The following CTNNBL1 variants were observed in gnomAD, a reference collection of about 807,000 sequenced individuals.
CTNNBL1 encodes catenin beta like 1.
Under a neutral mutation model 72.7 loss-of-function variants are expected in CTNNBL1, and 31 were observed. The ratio of observed to expected loss-of-function variants is 0.43; its 90% CI spans 0.32 to 0.58. CTNNBL1 has a LOEUF of 0.58. Ranked by LOEUF, CTNNBL1 falls within the 20% of genes least tolerant of loss-of-function variation. The pLI, the probability that CTNNBL1 is intolerant of heterozygous loss-of-function variation, is 0.08. For synonymous variants in CTNNBL1, 240 were observed against 267.3 expected, an observed-to-expected ratio of 0.90 and a Z score of 1.00; for missense variants, 534 against 725.1, an observed-to-expected ratio of 0.74 and a Z score of 3.03.
chr20:37,854,931 G>C (rs2072426410), intron 13 of CTNNBL1, among the ~76,000 whole-genome samples: 1 of 151,954 alleles, frequency 6.6e-6, no homozygotes, highest in African/African-American at 2.4e-5. Flanking sequence ...TTAATATACA[G>C]AAGGCCCTTG....
At chr20:37,845,855 T>G (rs1234646184) in intron 13 of CTNNBL1, among the ~76,000 whole-genome samples, 2 of 152,180 alleles carry the variant, frequency 1.3e-5, no homozygotes, top group East Asian at 3.9e-4. Flanking sequence ...CTCACATACC[T>G]CACCAAGTCT....
At chr20:37,809,774 G>C (rs530025263) in intron 11 of CTNNBL1, among the ~76,000 whole-genome samples, 2 of 152,186 alleles carry the variant, frequency 1.3e-5, no homozygotes, top group East Asian at 3.8e-4. Context: ...AAAACAACTT[G>C]ATGAAATTGT....
chr20:37,827,200 A>T (rs1401864210), intron 11 of CTNNBL1, among the ~76,000 whole-genome samples: 1 of 152,236 alleles, frequency 6.6e-6, no homozygotes, highest in African/African-American at 2.4e-5. Flanking sequence ...ACTGCTGGGT[A>T]GTATTCCAGT....
At chr20:37,843,807 A>G (rs1334321618) in intron 13 of CTNNBL1, among the ~76,000 whole-genome samples, 2 of 152,190 alleles carry the variant, frequency 1.3e-5, no homozygotes, top group African/African-American at 2.4e-5. Flanking sequence ...TGATTTCCCT[A>G]TGATCCCTAA....
chr20:37,802,406 A>G (rs1228897705), intron 10 of CTNNBL1, among the ~76,000 whole-genome samples: 2 of 152,186 alleles, frequency 1.3e-5, no homozygotes, highest in Non-Finnish European at 2.9e-5. Context: ...GGCAATGAAA[A>G]TGTTTTATAA....
chr20:37,738,180 C>T (rs779610086), intron 3 of CTNNBL1, among the ~76,000 whole-genome samples: 4 of 152,240 alleles, frequency 2.6e-5, no homozygotes, highest in Admixed American at 6.5e-5. Context: ...GAGATCATTT[C>T]AGAGGCTCTG....
intron 11 of CTNNBL1, among the ~76,000 whole-genome samples, chr20:37,832,576 T>C (rs775247223): frequency 6.6e-6 from 1 of 152,192 alleles, no homozygotes; most frequent in Non-Finnish European, 1.5e-5. Flanking sequence ...TCCATGTCCC[T>C]GTGATCCTAA....
intron 1 of CTNNBL1, among the ~76,000 whole-genome samples, chr20:37,724,160 C>T (rs1308628972): frequency 6.6e-6 from 1 of 152,150 alleles, no homozygotes; most frequent in Non-Finnish European, 1.5e-5. Context: ...GGGTTTGCGA[C>T]GTTCCACATG....
intron 1 of CTNNBL1, among the ~76,000 whole-genome samples, chr20:37,703,150 C>T (rs780146509): frequency 6.6e-6 from 1 of 152,024 alleles, no homozygotes; most frequent in East Asian, 1.9e-4. Context: ...GTAGAGTTTC[C>T]GTATATTCCT....
At position 37,725,261 on chromosome 20, in the gene CTNNBL1, A is replaced by G. The variant is rs574288558; in HGVS notation, c.31-7618A>G. Among the ~76,000 whole-genome samples the G allele has an allele frequency of 2.6e-5, 4 of 151,452 alleles. No individual in the cohort carries two copies. In the South Asian group the frequency reaches 8.3e-4, roughly 32 times the overall value. Reference sequence around the variant, plus strand: ...GGGACCCACATTTAAAAACCTAACTATTAATGGTCAGAGTTCTTTCCAACC... The same window carrying G: ...GGGACCCACATTTAAAAACCTAACTGTTAATGGTCAGAGTTCTTTCCAACC... On this transcript the variant is annotated intron_variant, in intron 1 of 15. Transcript: ENST00000361383.
chr20:37,819,272 T>TGCATATGTACAGTGGTGACC (rs2072085435), intron 11 of CTNNBL1, among the ~76,000 whole-genome samples: 1 of 152,236 alleles, frequency 6.6e-6, no homozygotes, highest in South Asian at 2.1e-4. Flanking sequence ...TTTGGGTGAC[T>TGCATATGTACAGTGGTGACC]GCATATGTAC....
At chr20:37,809,311 G>C (rs2071989031) in intron 11 of CTNNBL1, among the ~76,000 whole-genome samples, 1 of 152,218 alleles carries the variant, frequency 6.6e-6, no homozygotes, top group Admixed American at 6.5e-5. Context: ...CTTCTGGTGG[G>C]AGGGAGATTA....
intron 12 of CTNNBL1, among the ~76,000 whole-genome samples, chr20:37,842,000 C>T (rs2072307803): frequency 6.6e-6 from 1 of 152,210 alleles, no homozygotes; most frequent in African/African-American, 2.4e-5. Flanking sequence ...ACTTCAAGCT[C>T]CTTCTCTTGG....
intron 10 of CTNNBL1, among the ~76,000 whole-genome samples, chr20:37,796,505 C>T (rs2073775953): frequency 6.6e-6 from 1 of 151,458 alleles, no homozygotes; most frequent in African/African-American, 2.4e-5. Flanking sequence ...GTCCTTGTTA[C>T]CCCATTTTGG....
chr20:37,841,817 T>A (rs1439822514), intron 12 of CTNNBL1, among the ~76,000 whole-genome samples: 1 of 152,208 alleles, frequency 6.6e-6, no homozygotes. Context: ...GGGCCTTTTT[T>A]AAAGTTGCTG....
chr20:37,709,036 C>A (rs1485603805), intron 1 of CTNNBL1, among the ~76,000 whole-genome samples: 2 of 152,050 alleles, frequency 1.3e-5, no homozygotes, highest in African/African-American at 2.4e-5. Flanking sequence ...ACTCAGGAGG[C>A]TGAGACAGGA....
chr20:37,743,897 T>C (rs2073239694), intron 3 of CTNNBL1, among the ~76,000 whole-genome samples: 3 of 151,980 alleles, frequency 2.0e-5, no homozygotes, highest in Non-Finnish European at 4.4e-5. Context: ...ACAGAAAATA[T>C]CTTGCTCAGG....
At chr20:37,825,382 A>AAAG (rs2072150420) in intron 11 of CTNNBL1, among the ~76,000 whole-genome samples, 1 of 152,172 alleles carries the variant, frequency 6.6e-6, no homozygotes, top group African/African-American at 2.4e-5. Flanking sequence ...TAAAATAAAA[A>AAAG]GAGAAACTGA....
At chr20:37,851,308 T>C (rs1294800328) in intron 13 of CTNNBL1, among the ~76,000 whole-genome samples, 3 of 151,998 alleles carry the variant, frequency 2.0e-5, no homozygotes, top group Non-Finnish European at 4.4e-5. Flanking sequence ...CCTACCAGAG[T>C]ATCTCTCTCT....
Sources: allele counts gnomAD v4.1 joint callset (sites outside exome capture counted in the v4.1 genomes callset), GRCh38; gene constraint gnomAD v4.1.1; transcripts MANE v1.5; gene names NCBI Gene and HGNC (gene_info 2026-07-23, HGNC 2026-07-21).